UBE2W: variants seen among roughly 807,000 people sequenced by gnomAD.
The protein encoded by UBE2W is ubiquitin conjugating enzyme E2 W.
In UBE2W, 18 loss-of-function variants were observed where a neutral mutation model predicts 27.2. The observed-to-expected ratio is 0.66, with a 90% CI of 0.46 to 0.98. UBE2W has a LOEUF of 0.98. Among genes scored for constraint, UBE2W ranks in the 50% least tolerant of loss-of-function variants. The pLI is 0.00. For missense variants in UBE2W, 90 were observed against 180.2 expected, an observed-to-expected ratio of 0.50 and a Z score of 2.87; for synonymous variants, 53 against 57.2, an observed-to-expected ratio of 0.93 and a Z score of 0.33.
intron 1 of UBE2W, among the ~76,000 whole-genome samples, chr8:73,865,188 A>G (rs1419013069): frequency 6.6e-4 from 93 of 140,198 alleles, no homozygotes; most frequent in African/African-American, 2.7e-3. Flanking sequence ...GTCAAAAAAA[A>G]AAAAAAAAAA....
At chr8:73,824,638 T>G (rs1336529793) in intron 3 of UBE2W, among the ~76,000 whole-genome samples, 1 of 152,204 alleles carries the variant, frequency 6.6e-6, no homozygotes. Flanking sequence ...ATGATGGTTT[T>G]GGGATGGAAC....
intron 1 of UBE2W, among the ~76,000 whole-genome samples, chr8:73,845,602 C>CAA (rs199907182): frequency 0.024 from 3,656 of 152,024 alleles, 153 homozygotes; most frequent in African/African-American, 0.084. Flanking sequence ...CTAGGAAAAC[C>CAA]AGAGACCTTT....
rs548069815 is a variant in UBE2W, at chr8:73,820,460, A to G, written c.210+4687T>C. 1.6e-4 allele frequency among the ~76,000 whole-genome samples: 24 copies of G among 152,192 alleles called. No homozygotes were observed. In the South Asian group the frequency reaches 5.0e-3, roughly 32 times the overall value. On this transcript the variant is annotated intron_variant, in intron 3 of 5. Transcript: ENST00000602593. Reference sequence around the variant, plus strand: ...CAGAATTAACTGATATTAAAAAGGAATCCTCACTGGGCGTGCCTATGATCC... The same window carrying G: ...CAGAATTAACTGATATTAAAAAGGAGTCCTCACTGGGCGTGCCTATGATCC...
chr8:73,866,290 AATATAT>A (rs71269958), intron 1 of UBE2W, among the ~76,000 whole-genome samples: 53 of 43,082 alleles, frequency 1.2e-3, no homozygotes, highest in African/African-American at 4.0e-3. Context: ...AAAAAAAAAA[AATATAT>A]ATATATATAT....
intron 1 of UBE2W, among the ~76,000 whole-genome samples, chr8:73,877,845 C>CA (rs1479907673): frequency 3.1e-5 from 4 of 129,514 alleles, no homozygotes; most frequent in African/African-American, 8.1e-5. Context: ...TGCCTGGAAA[C>CA]AAAAAACAAA....
chr8:73,848,423 AT>A (rs1810909928), intron 1 of UBE2W, among the ~76,000 whole-genome samples: 1 of 152,132 alleles, frequency 6.6e-6, no homozygotes, highest in African/African-American at 2.4e-5. Context: ...ATGGTGGCTC[AT>A]GCCTGTAATC....
rs1033058288 is a variant in UBE2W at position 73,786,491 on chromosome 8, G to A, written c.*7611C>T. 3.0e-6 allele frequency: 3 copies of A among 985,268 alleles called. No individual in the cohort carries two copies. In the African/African-American group the frequency reaches 5.2e-5, roughly 17 times the overall value. The allele number at this position is 985,268 out of a possible 1,614,324, so 61.0% of individuals were successfully genotyped here. A position where few individuals can be genotyped will look rare whatever the true frequency, so the allele number is the denominator to read the frequency against. On this transcript the variant is annotated 3_prime_UTR_variant, in exon 6 of 6. Coordinates refer to ENST00000602593, the MANE Select transcript of UBE2W (RefSeq NM_018299.6). The stretch of plus-strand genomic sequence containing the variant: ...GGGACACAAACACAATTGCAACACT[G>A]TCCCTACTGTTAAAAAGTTCAGGAT...
downstream of UBE2W, among the ~76,000 whole-genome samples, chr8:73,785,579 T>C (rs1411466409): frequency 6.6e-6 from 1 of 152,090 alleles, no homozygotes. Flanking sequence ...ATATGTAGTT[T>C]TTCCAACCCT....
intron 1 of UBE2W, among the ~76,000 whole-genome samples, chr8:73,856,334 AGACAAATTATATACAC>A (rs1811296460): frequency 6.7e-6 from 1 of 150,362 alleles, no homozygotes; most frequent in Non-Finnish European, 1.5e-5. Flanking sequence ...ACTTAAACAT[AGACAAATTATATACAC>A]TTATGAATTT....
In UBE2W at chr8:73,793,831, A is replaced by C; in HGVS notation, c.*271T>G. On this transcript the variant is annotated 3_prime_UTR_variant, in exon 6 of 6. Coordinates refer to ENST00000602593, the MANE Select transcript of UBE2W (RefSeq NM_018299.6). ...GACCTGGAGCTTTTCCAAAAGCTTA[A>C]AAAAATAAAAATAAAAAATGGAATT... 1 of 1,170,606 alleles carries C rather than the reference A, an allele frequency of 8.5e-7. No individual in the cohort carries two copies. Among genetic ancestry groups the C allele is most frequent in the Non-Finnish European group, 1.1e-6 (1 of 946,112 alleles). 72.5% of individuals were successfully genotyped at this position (1,170,606 alleles called of 1,614,324 possible).
chr8:73,816,139 T>C (rs552154705), intron 3 of UBE2W, among the ~76,000 whole-genome samples: 1 of 152,332 alleles, frequency 6.6e-6, no homozygotes, highest in East Asian at 1.9e-4. Context: ...ACGAGTACCA[T>C]GCAGCTATAG....
At chr8:73,831,346 G>T (rs73338480) in intron 1 of UBE2W, 4,840 of 186,282 alleles carry the variant, frequency 0.026, 228 homozygotes, top group African/African-American at 0.1. Flanking sequence ...AAAAGGCAAA[G>T]GAGGTCTACA....
At chr8:73,816,168 G>C (rs1809376262) in intron 3 of UBE2W, among the ~76,000 whole-genome samples, 1 of 152,012 alleles carries the variant, frequency 6.6e-6, no homozygotes, top group Non-Finnish European at 1.5e-5. Context: ...CAAAATTATT[G>C]GACACAACGA....
At chr8:73,839,369 T>G (rs888643393) in intron 1 of UBE2W, among the ~76,000 whole-genome samples, 6 of 123,118 alleles carry the variant, frequency 4.9e-5, no homozygotes, top group Non-Finnish European at 9.1e-5. Flanking sequence ...AAAAAAAAAG[T>G]ATTTTGGCAC....
chr8:73,851,016 C>A lies in UBE2W; in HGVS notation c.16-20544G>T, dbSNP rs569403748. On this transcript the variant is annotated intron_variant, in intron 1 of 5. Transcript: ENST00000602593. ...CTGGAAACACAGGCATGCACCACCA[C>A]ACCCTGCTAATTTTTGTAGAGATAG... Among the ~76,000 whole-genome samples, 114 of 151,942 alleles carry A rather than the reference C, an allele frequency of 7.5e-4. No individual in the cohort carries two copies. The Middle Eastern group carries it at 0.01, about 14-fold the overall frequency.
At chr8:73,859,006 GTGTGTGTGT>G (rs1811428052) in intron 1 of UBE2W, among the ~76,000 whole-genome samples, 1 of 150,896 alleles carries the variant, frequency 6.6e-6, no homozygotes, top group African/African-American at 2.5e-5. Flanking sequence ...GTGTGTGTGT[GTGTGTGTGT>G]GTGGTGGTTT....
chr8:73,863,547 G>A (rs1811615722), intron 1 of UBE2W, among the ~76,000 whole-genome samples: 1 of 148,502 alleles, frequency 6.7e-6, no homozygotes, highest in Admixed American at 6.8e-5. Context: ...CCTGCACAAT[G>A]TGCACATGTA....
chr8:73,854,204 T>G (rs551897414), intron 1 of UBE2W, among the ~76,000 whole-genome samples: 1 of 152,016 alleles, frequency 6.6e-6, no homozygotes, highest in South Asian at 2.1e-4. Flanking sequence ...AGTAACACCA[T>G]TCTTAAAAAT....
At chr8:73,870,353 A>AT in intron 1 of UBE2W, 1 of 1,524,440 alleles carries the variant, frequency 6.6e-7, no homozygotes, top group Non-Finnish European at 8.9e-7. Flanking sequence ...AAGGAAATCT[A>AT]TTTTTTCCAT....
Sources: allele counts gnomAD v4.1 joint callset (sites outside exome capture counted in the v4.1 genomes callset), GRCh38; gene constraint gnomAD v4.1.1; transcripts MANE v1.5; gene names NCBI Gene and HGNC (gene_info 2026-07-23, HGNC 2026-07-21).